SFXN2: variants seen among roughly 807,000 people sequenced by gnomAD.
SFXN2 encodes the protein sideroflexin-2.
A neutral mutation model predicts 41.9 loss-of-function variants in SFXN2; 37 were observed. The ratio of observed to expected loss-of-function variants is 0.88; its 90% CI spans 0.68 to 1.16. The LOEUF is 1.16. Among genes scored for constraint, SFXN2 ranks in the 50% most tolerant of loss-of-function variants. The pLI, the probability that SFXN2 is intolerant of heterozygous loss-of-function variation, is 0.00. For missense variants in SFXN2, 386 were observed against 425.2 expected (o/e 0.91, Z 0.81); for synonymous variants, 150 against 156.7 (o/e 0.96, Z 0.32).
chr10:102,735,960 G>T, intron 11 of SFXN2, 51 bp downstream of exon 11: 2 of 1,563,400 alleles, frequency 1.3e-6, no homozygotes, highest in Non-Finnish European at 1.8e-6. Flanking sequence ...CTGCCAGCGC[G>T]CTCCCTGATC....
At chr10:102,733,909 A>G (rs1455421970) in intron 10 of SFXN2, among the ~76,000 whole-genome samples, 1 of 146,938 alleles carries the variant, frequency 6.8e-6, no homozygotes, top group African/African-American at 2.5e-5. Flanking sequence ...TTTTTTTGAG[A>G]TGGAGTCTCG....
At chr10:102,728,324 A>G in intron 3 of SFXN2, 107 bp from the exon 4 acceptor site, 3 of 854,806 alleles carry the variant, frequency 3.5e-6, no homozygotes, top group Non-Finnish European at 6.0e-6. Flanking sequence ...AAAAACTAGT[A>G]TGGGAACAGT....
chr10:102,721,948 C>A (rs2064515185), intron 1 of SFXN2, among the ~76,000 whole-genome samples: 1 of 152,212 alleles, frequency 6.6e-6, no homozygotes, highest in Non-Finnish European at 1.5e-5. Context: ...GAAAGATTCT[C>A]TCCTGTTGGT....
rs1323730507 is a variant in SFXN2, at chr10:102,739,524, A to G, written c.*1762A>G. On this transcript the variant is annotated 3_prime_UTR_variant, in exon 12 of 12. Coordinates refer to ENST00000369893, the MANE Select transcript of SFXN2 (RefSeq NM_178858.6). ...TGTAAAAGGGAACAACAGGAATGACAGAGACCCTACCTATGTGGCATACAA... is the reference window on the plus strand; with the variant it reads ...TGTAAAAGGGAACAACAGGAATGACGGAGACCCTACCTATGTGGCATACAA... 1 of 152,278 alleles carries G rather than the reference A, an allele frequency of 6.6e-6. No homozygotes were observed. Among genetic ancestry groups the G allele is most frequent in the Non-Finnish European group, 1.5e-5 (1 of 68,054 alleles). 9.4% of individuals were successfully genotyped at this position (152,278 alleles called of 1,614,324 possible). A position where few individuals can be genotyped will look rare whatever the true frequency, so the allele number is the denominator to read the frequency against.
At chr10:102,719,758 C>T (rs534910662) in intron 1 of SFXN2, among the ~76,000 whole-genome samples, 3 of 152,182 alleles carry the variant, frequency 2.0e-5, no homozygotes, top group African/African-American at 2.4e-5. Context: ...GGGTGACAGT[C>T]GTGAGCAAAA....
intron 1 of SFXN2, among the ~76,000 whole-genome samples, chr10:102,720,942 G>C (rs1462556550): frequency 1.3e-5 from 2 of 152,066 alleles, no homozygotes; most frequent in African/African-American, 2.4e-5. Flanking sequence ...TCAATTGTTT[G>C]GCTTTAAGTT....
chr10:102,722,292 T>G (rs1463902352), intron 1 of SFXN2, among the ~76,000 whole-genome samples: 1 of 152,204 alleles, frequency 6.6e-6, no homozygotes, highest in Non-Finnish European at 1.5e-5. Context: ...AATGTACATT[T>G]ATGACTAATC....
intron 1 of SFXN2, among the ~76,000 whole-genome samples, chr10:102,722,598 G>A (rs966962188): frequency 6.6e-6 from 1 of 152,148 alleles, no homozygotes; most frequent in African/African-American, 2.4e-5. Context: ...GCAGTGGCAC[G>A]ATCACAGTTC....
At chr10:102,733,801 C>T (rs756502284) in intron 10 of SFXN2, among the ~76,000 whole-genome samples, 198 bp downstream of exon 10, 2 of 152,200 alleles carry the variant, frequency 1.3e-5, no homozygotes, top group Non-Finnish European at 2.9e-5. Context: ...ACTTTATGCA[C>T]GTGTCCATGT....
rs2064741589 is a variant in SFXN2 at position 102,734,154 on chromosome 10, G to A, written c.821+551G>A. On this transcript the variant is annotated intron_variant, in intron 10 of 11. Coordinates refer to ENST00000369893, the MANE Select transcript of SFXN2 (RefSeq NM_178858.6). The surrounding 1 kb of genome is among the most constrained non-coding windows in gnomAD (Gnocchi z 4.1). ...CAAATTGCTGGGATTATAGGCATGA[G>A]CCACTGCGCCTGGCTGTCTGGAGCA... Among the ~76,000 whole-genome samples the A allele has an allele frequency of 6.6e-6, 1 of 152,182 alleles. No individual in the cohort carries two copies. The highest frequency in any genetic ancestry group is 6.5e-5 in the Admixed American group (1 of 15,278).
rs1214800693 is a variant in SFXN2 at position 102,742,459 on chromosome 10, C to G, written c.*4697C>G. The G allele has an allele frequency of 1.5e-5, 2 of 134,370 alleles. No homozygotes were observed. Among genetic ancestry groups the G allele is most frequent in the Admixed American group, 1.5e-4 (2 of 13,216 alleles). The allele number at this position is 134,370 out of a possible 1,614,324, so 8.3% of individuals were successfully genotyped here. A position where few individuals can be genotyped will look rare whatever the true frequency, so the allele number is the denominator to read the frequency against. On this transcript the variant is annotated 3_prime_UTR_variant, in exon 12 of 12. Coordinates refer to ENST00000369893, the MANE Select transcript of SFXN2 (RefSeq NM_178858.6). Reference sequence around the variant, plus strand: ...TACAGGCAGGAGCCACCGCACCTGGCCTTTTTTTTTTTTTGAGACAGGGTC... The same window carrying G: ...TACAGGCAGGAGCCACCGCACCTGGGCTTTTTTTTTTTTTGAGACAGGGTC...
chr10:102,732,324 A>G (rs2064716744), intron 8 of SFXN2, 106 bp downstream of exon 8: 2 of 912,880 alleles, frequency 2.2e-6, no homozygotes, highest in Non-Finnish European at 3.4e-6. Flanking sequence ...TTCTACAGCC[A>G]TGCTTCTCAA....
intron 1 of SFXN2, among the ~76,000 whole-genome samples, chr10:102,723,343 C>T (rs2064538746): frequency 6.6e-6 from 1 of 151,876 alleles, no homozygotes; most frequent in South Asian, 2.1e-4. Context: ...CCTCTGCTGC[C>T]CAGGTACAAG....
In SFXN2 at chr10:102,729,849, T is replaced by C. The variant is rs753373934; in HGVS notation, c.593+41T>C. The C allele has an allele frequency of 4.4e-6, 7 of 1,606,304 alleles. No homozygotes were observed. The African/African-American group carries it at 9.4e-5, about 21-fold the overall frequency. On this transcript the variant is annotated intron_variant, in intron 6 of 11. Transcript: ENST00000369893. ...TTTTTCTCCCTACAAACCACAAGAT[T>C]AGCAGAAAAGGGGCAAGAAACCAAA...
chr10:102,736,229 C>T (rs1220337483), intron 11 of SFXN2, among the ~76,000 whole-genome samples: 1 of 151,342 alleles, frequency 6.6e-6, no homozygotes, highest in African/African-American at 2.4e-5. Context: ...AGGAAGCTCT[C>T]CTCTGGCTGG....
At chr10:102,733,018 A>C in intron 9 of SFXN2, 110 bp downstream of exon 9, 1 of 1,109,848 alleles carries the variant, frequency 9.0e-7, no homozygotes. Context: ...TTTAGCTACC[A>C]TGCTGTCATC....
chr10:102,724,444 C>T (rs894857926), intron 1 of SFXN2, among the ~76,000 whole-genome samples: 1 of 152,190 alleles, frequency 6.6e-6, no homozygotes, highest in South Asian at 2.1e-4. Context: ...TGGCTCACGC[C>T]TGTAATCCCA....
chr10:102,733,661 C>A, intron 10 of SFXN2, 58 bp downstream of exon 10: 2 of 1,424,278 alleles, frequency 1.4e-6, no homozygotes, highest in South Asian at 2.3e-5. Flanking sequence ...CAAGATGTGT[C>A]GTCTTGTCTA....
chr10:102,733,651 C>T, intron 10 of SFXN2, 48 bp downstream of exon 10: 1 of 1,494,378 alleles, frequency 6.7e-7, no homozygotes, highest in South Asian at 1.1e-5. Flanking sequence ...CTGGAGCACT[C>T]AAGATGTGTC....
Sources: allele counts gnomAD v4.1 joint callset (sites outside exome capture counted in the v4.1 genomes callset), GRCh38; gene constraint gnomAD v4.1.1; non-coding constraint Gnocchi (gnomAD v3.1); transcripts MANE v1.5; gene names NCBI Gene and HGNC (gene_info 2026-07-23, HGNC 2026-07-21).